Variants in SERAC1 observed in about 807,000 individuals in gnomAD.
SERAC1 encodes the protein protein SERAC1.
SERAC1 carries 36 observed loss-of-function variants against 85.7 expected under a neutral mutation model. That is an observed-to-expected ratio of 0.42 (90% CI 0.32 to 0.55). SERAC1 has a LOEUF of 0.55. Among genes scored for constraint, SERAC1 ranks in the 20% least tolerant of loss-of-function variants. SERAC1 has a pLI of 0.11. For synonymous variants in SERAC1, 242 were observed against 265.3 expected (o/e 0.91, Z 0.85); for missense variants, 629 against 796.2 (o/e 0.79, Z 2.53).
At chr6:158,138,250 T>C (rs1376827363) in intron 8 of SERAC1, among the ~76,000 whole-genome samples, 1 of 151,950 alleles carries the variant, frequency 6.6e-6, no homozygotes, top group Non-Finnish European at 1.5e-5. Flanking sequence ...CTGACCAACA[T>C]GGTGAAACCC....
Position 158,134,962 on chromosome 6 carries a change from G to A in SERAC1, c.739-4476C>T, listed in dbSNP as rs530285718. Reference sequence around the variant, plus strand: ...CCAATAAGTGTTGAGCTGGCATCACGTGCTTCTGGGCATGACATACTGGGA... The same window carrying A: ...CCAATAAGTGTTGAGCTGGCATCACATGCTTCTGGGCATGACATACTGGGA... On this transcript the variant is annotated intron_variant, in intron 8 of 16. Transcript: ENST00000647468. Among the ~76,000 whole-genome samples the A allele has an allele frequency of 1.3e-3, 203 of 152,172 alleles. 1 individual carries two copies. Among genetic ancestry groups the A allele is most frequent in the African/African-American group, 4.4e-3 (184 of 41,528 alleles).
At position 158,148,923 on chromosome 6, in the gene SERAC1, G is replaced by A; in HGVS notation, c.297C>T (p.His99=). ...TTGCCAATACTTTTCTTACTGCTTT[G>A]TGAAGTTCTTTTCTTGCCTGCCAGG... ...GIAWQARKEL[H]KAVRKVLATS... The change falls in exon 5 of 17, where the codon CAC becomes CAT. Residue 99 remains histidine, a synonymous_variant. Transcript: ENST00000647468. 6.2e-7 allele frequency: 1 copy of A among 1,611,982 alleles called. No individual in the cohort carries two copies. The highest frequency in any genetic ancestry group is 2.2e-5 in the East Asian group (1 of 44,788).
At chr6:158,138,038 G>A (rs866189650) in intron 8 of SERAC1, among the ~76,000 whole-genome samples, 1 of 152,134 alleles carries the variant, frequency 6.6e-6, no homozygotes, top group South Asian at 2.1e-4. Context: ...ACAAACACAT[G>A]ATATGTTAAC....
At chr6:158,129,145 C>T (rs1399914672) in intron 9 of SERAC1, among the ~76,000 whole-genome samples, 1 of 152,208 alleles carries the variant, frequency 6.6e-6, no homozygotes, top group East Asian at 1.9e-4. Flanking sequence ...ATATTCCATG[C>T]ACTGTCCTTT....
intron 1 of SERAC1, among the ~76,000 whole-genome samples, chr6:158,166,806 G>T (rs967480168): frequency 2.0e-5 from 3 of 152,144 alleles, no homozygotes; most frequent in African/African-American, 7.2e-5. Context: ...GTATACAGAA[G>T]TTTTTAAATG....
At chr6:158,132,003 T>TAG (rs35834435) in intron 8 of SERAC1, among the ~76,000 whole-genome samples, 30,648 of 151,614 alleles carry the variant, frequency 0.2, 3,155 homozygotes, top group East Asian at 0.3. Context: ...ACTACTCGTG[T>TAG]AGAGAGAGAG....
At chr6:158,162,096 T>C (rs1785501319) in intron 1 of SERAC1, 1 of 152,234 alleles carries the variant, frequency 6.6e-6, no homozygotes, top group African/African-American at 2.4e-5. Context: ...TTGGGAACTG[T>C]ACATAATAAG....
At chr6:158,148,839 T>G (rs778474738) in intron 5 of SERAC1, 26 bp downstream of exon 5, 17 of 1,505,414 alleles carry the variant, frequency 1.1e-5, no homozygotes, top group Non-Finnish European at 1.6e-5. Context: ...CTGATAAGGA[T>G]TCCAAGTCAT....
intron 5 of SERAC1, among the ~76,000 whole-genome samples, chr6:158,148,015 T>C (rs146913824): frequency 6.2e-4 from 94 of 152,168 alleles, no homozygotes; most frequent in African/African-American, 2.2e-3. Flanking sequence ...CCAAAAACAC[T>C]AACAAAAATC....
rs115362558 is a variant in SERAC1, at chr6:158,129,209, C to T, written c.853-939G>A. On this transcript the variant is annotated intron_variant, in intron 9 of 16. Transcript: ENST00000647468. ...AAAACAACTCAGGAGACACCACACT[C>T]GAGCAAGTTTTCCCAGGTCCCTTCT... Among the ~76,000 whole-genome samples, 577 of 152,352 alleles carry T rather than the reference C, an allele frequency of 3.8e-3. 1 individual carries two copies. The highest frequency in any genetic ancestry group is 0.013 in the African/African-American group (553 of 41,584).
At chr6:158,150,672 T>C in intron 3 of SERAC1, 83 bp from the exon 4 acceptor site, 4 of 1,013,014 alleles carry the variant, frequency 3.9e-6, no homozygotes, top group Non-Finnish European at 3.0e-6. Context: ...AAGCTTGTCA[T>C]AGTAAACTTC....
At chr6:158,155,604 C>A (rs960193142) in intron 2 of SERAC1, among the ~76,000 whole-genome samples, 2 of 152,142 alleles carry the variant, frequency 1.3e-5, no homozygotes, top group South Asian at 4.1e-4. Flanking sequence ...ACCTCCTAGT[C>A]CCTGTTCCAC....
intron 8 of SERAC1, among the ~76,000 whole-genome samples, chr6:158,134,864 A>G (rs1784755456): frequency 6.6e-6 from 1 of 152,142 alleles, no homozygotes; most frequent in African/African-American, 2.4e-5. Flanking sequence ...TTTCAAATAC[A>G]TAAATATATT....
chr6:158,113,365 C>T (rs1006188771), intron 16 of SERAC1, 84 bp downstream of exon 16: 18 of 1,089,566 alleles, frequency 1.7e-5, no homozygotes, highest in Non-Finnish European at 2.2e-5. Flanking sequence ...AACTGAGAAC[C>T]TGGATATAAA....
chr6:158,150,387 G>A, intron 4 of SERAC1, 66 bp downstream of exon 4: 1 of 1,270,440 alleles, frequency 7.9e-7, no homozygotes, highest in South Asian at 1.3e-5. Flanking sequence ...GTTTTAAATA[G>A]ACGCATTTTT....
At chr6:158,153,150 T>C (rs1785245985) in intron 3 of SERAC1, among the ~76,000 whole-genome samples, 1 of 152,234 alleles carries the variant, frequency 6.6e-6, no homozygotes, top group African/African-American at 2.4e-5. Context: ...TTACCACCTA[T>C]ATATGCATCC....
rs974007342 is a variant in SERAC1 at position 158,117,502 on chromosome 6, C to A, written c.1403+225G>T. On this transcript the variant is annotated intron_variant, in intron 13 of 16. Coordinates refer to ENST00000647468, the MANE Select transcript of SERAC1 (RefSeq NM_032861.4). The surrounding 1 kb of genome is among the most constrained non-coding windows in gnomAD (Gnocchi z 4.3). ...ACTATTAGAACAGTTGTAAATAAAC[C>A]ATGTTAGGAGCCCACCATTGGTGAT... The A allele has an allele frequency of 2.6e-6, 4 of 1,549,266 alleles. No homozygotes were observed. In the African/African-American group the frequency reaches 5.5e-5, roughly 21 times the overall value.
chr6:158,155,097 T>C (rs1785298218), intron 3 of SERAC1, among the ~76,000 whole-genome samples: 2 of 152,036 alleles, frequency 1.3e-5, no homozygotes, highest in Non-Finnish European at 2.9e-5. Context: ...GCAGGCAGAG[T>C]TCCTAGTACA....
At chr6:158,148,451 CT>C (rs1020106812) in intron 5 of SERAC1, among the ~76,000 whole-genome samples, 1 of 151,080 alleles carries the variant, frequency 6.6e-6, no homozygotes, top group African/African-American at 2.4e-5. Flanking sequence ...AATTACTTTG[CT>C]TTTTTTTTGA....
Sources: gnomAD v4.1 joint callset for allele counts (sites outside exome capture counted in the v4.1 genomes callset) on GRCh38, gnomAD v4.1.1 for gene constraint, Gnocchi (gnomAD v3.1) non-coding constraint, MANE v1.5 for transcripts, NCBI Gene and HGNC (gene_info 2026-07-23, HGNC 2026-07-21) for gene names.